SEMA3D: variants seen among roughly 807,000 people sequenced by gnomAD.
The protein encoded by SEMA3D is semaphorin 3D.
SEMA3D carries 84 observed loss-of-function variants against 100.1 expected under a neutral mutation model. The ratio of observed to expected loss-of-function variants is 0.84; its 90% CI spans 0.70 to 1.01. The LOEUF is 1.01. SEMA3D is among the 50% of genes least tolerant of loss of function. SEMA3D has a pLI of 0.00. For synonymous variants in SEMA3D, 312 were observed against 320.7 expected (o/e 0.97, Z 0.29); for missense variants, 875 against 934.1 (o/e 0.94, Z 0.82).
At chr7:85,028,257 C>T (rs1790446039) in intron 12 of SEMA3D, 2 of 694,756 alleles carry the variant, frequency 2.9e-6, no homozygotes, top group East Asian at 2.5e-5. Context: ...ATGCTGTGGT[C>T]ACAGTGCCAG....
intron 12 of SEMA3D, among the ~76,000 whole-genome samples, chr7:85,034,503 A>G (rs1790635863): frequency 6.6e-6 from 1 of 152,020 alleles, no homozygotes; most frequent in African/African-American, 2.4e-5. Flanking sequence ...GCTACTCTGG[A>G]GGCTAAGGCA....
At chr7:85,100,712 C>A (rs1274011731) in intron 3 of SEMA3D, among the ~76,000 whole-genome samples, 1 of 151,718 alleles carries the variant, frequency 6.6e-6, no homozygotes. Flanking sequence ...CAACAATGGG[C>A]TTTATTATTA....
At chr7:85,174,271 C>A (rs1481072990) in intron 1 of SEMA3D, among the ~76,000 whole-genome samples, 1 of 152,092 alleles carries the variant, frequency 6.6e-6, no homozygotes, top group Non-Finnish European at 1.5e-5. Flanking sequence ...CAGGGCCAGC[C>A]ATGTTTTTTC....
At chr7:85,119,259 T>A (rs1789338462) in intron 3 of SEMA3D, among the ~76,000 whole-genome samples, 1 of 152,194 alleles carries the variant, frequency 6.6e-6, no homozygotes, top group Non-Finnish European at 1.5e-5. Context: ...GCAATCCCAT[T>A]ACTGGGTATA....
chr7:85,181,178 G>A (rs1405617307), intron 1 of SEMA3D, among the ~76,000 whole-genome samples: 6 of 152,140 alleles, frequency 3.9e-5, no homozygotes, highest in African/African-American at 9.7e-5. Flanking sequence ...ACTGTGAAAT[G>A]CTACCCCACG....
At chr7:85,039,217 T>A (rs1790785811) in intron 11 of SEMA3D, among the ~76,000 whole-genome samples, 1 of 152,162 alleles carries the variant, frequency 6.6e-6, no homozygotes, top group Admixed American at 6.6e-5. Context: ...TAAAATTAAG[T>A]CTGTGGGGCC....
chr7:85,018,175 A>G, intron 15 of SEMA3D, 77 bp downstream of exon 15: 2 of 891,130 alleles, frequency 2.2e-6, no homozygotes, highest in Non-Finnish European at 1.8e-6. Context: ...ATTTCAATGG[A>G]TTTTTTTTCA....
At chr7:85,041,886 T>C (rs1790875734) in intron 10 of SEMA3D, 1 of 333,206 alleles carries the variant, frequency 3.0e-6, no homozygotes, top group South Asian at 9.9e-5. Context: ...GGAGAATGGA[T>C]GAACTGTGTA....
intron 2 of SEMA3D, among the ~76,000 whole-genome samples, chr7:85,150,669 T>G (rs922651665): frequency 6.6e-6 from 1 of 151,804 alleles, no homozygotes; most frequent in African/African-American, 2.4e-5. Context: ...CCTTTACTCT[T>G]CAGTATCTTC....
chr7:84,999,693 C>T lies in SEMA3D; in HGVS notation c.2081G>A (p.Arg694Lys), dbSNP rs1789602121. 1 of 1,614,008 alleles carries T rather than the reference C, an allele frequency of 6.2e-7. No homozygotes were observed. The highest frequency in any genetic ancestry group is 1.3e-5 in the African/African-American group (1 of 75,016). Residue 694 changes from arginine to lysine, a missense_variant, in exon 19 of 19, where the codon AGG becomes AAG. Physicochemically the swap from Arg to Lys is conservative, Grantham distance 26. Transcript: ENST00000284136. ...GACCTTCCCCTCCTCATGCTCTGCC[C>T]TCTGGGTATTTTCCATCTGTTCATT... is the stretch of plus-strand genomic sequence containing the variant. ...IENEQMENTQ[R>K]AEHEEGKVKD...
intron 1 of SEMA3D, among the ~76,000 whole-genome samples, chr7:85,176,121 C>T (rs1481342449): frequency 6.6e-6 from 1 of 151,804 alleles, no homozygotes; most frequent in Non-Finnish European, 1.5e-5. Flanking sequence ...GTTGCACATA[C>T]CTAGTGTGCA....
At chr7:85,207,210 C>A in the SEMA3D span, among the ~76,000 whole-genome samples, 1 of 151,976 alleles carries the variant, frequency 6.6e-6, no homozygotes, top group Non-Finnish European at 1.5e-5. Context: ...AATTACTGGT[C>A]ATAAGTAGAA....
the SEMA3D span, among the ~76,000 whole-genome samples, chr7:85,200,719 G>A: frequency 2.5e-4 from 38 of 152,326 alleles, no homozygotes; most frequent in Middle Eastern, 6.8e-3. Context: ...CAAACAATGG[G>A]GAAAATGTCT....
the SEMA3D span, among the ~76,000 whole-genome samples, chr7:85,209,753 A>G: frequency 2.6e-5 from 4 of 152,156 alleles, no homozygotes; most frequent in African/African-American, 7.2e-5. Flanking sequence ...ACAATAAATA[A>G]TGAAATAGTT....
At chr7:85,198,761 C>A in the SEMA3D span, among the ~76,000 whole-genome samples, 2 of 138,756 alleles carry the variant, frequency 1.4e-5, no homozygotes, top group African/African-American at 2.7e-5. Context: ...TTTTTATTAA[C>A]TGGTTTAACT....
chr7:85,018,185 A>T, intron 15 of SEMA3D, 67 bp downstream of exon 15: 1 of 944,536 alleles, frequency 1.1e-6, no homozygotes, highest in Admixed American at 2.0e-5. Flanking sequence ...ATTTTTTTTC[A>T]AATAAAGTTT....
chr7:85,144,485 G>T, intron 2 of SEMA3D: 1 of 976,200 alleles, frequency 1.0e-6, no homozygotes, highest in Non-Finnish European at 1.2e-6. Context: ...GTGAGATAGA[G>T]GGGAAAGATT....
At chr7:85,040,273 C>A (rs1200510277) in intron 11 of SEMA3D, among the ~76,000 whole-genome samples, 1 of 151,962 alleles carries the variant, frequency 6.6e-6, no homozygotes, top group African/African-American at 2.4e-5. Flanking sequence ...CTGGTGAGCC[C>A]AGCCTGCATA....
the SEMA3D span, among the ~76,000 whole-genome samples, chr7:85,231,606 A>G: frequency 4.6e-5 from 7 of 151,960 alleles, no homozygotes; most frequent in Non-Finnish European, 7.4e-5. Flanking sequence ...GTCTGCCACC[A>G]CACCCGGCTA....
Sources: gnomAD v4.1 joint callset for allele counts (sites outside exome capture counted in the v4.1 genomes callset) on GRCh38, gnomAD v4.1.1 for gene constraint, MANE v1.5 for transcripts, NCBI Gene and HGNC (gene_info 2026-07-23, HGNC 2026-07-21) for gene names.